Variants in FAAH2 observed in about 807,000 individuals in gnomAD.
The protein encoded by FAAH2 is fatty-acid amide hydrolase 2.
Under a neutral mutation model 36.9 loss-of-function variants are expected in FAAH2, and 60 were observed. The observed-to-expected ratio is 1.63, with a 90% CI of 1.32 to 2.02. The LOEUF is 2.02. FAAH2 is among the 30% of genes most tolerant of loss of function. The pLI, the probability that FAAH2 is intolerant of heterozygous loss-of-function variation, is 0.00. For synonymous variants in FAAH2, 214 were observed against 143.8 expected (o/e 1.49, Z -3.49); for missense variants, 689 against 397.5 (o/e 1.73, Z -6.23).
At chrX:57,438,181 G>C (rs1220741315) in intron 8 of FAAH2, among the ~76,000 whole-genome samples, 1 of 104,550 alleles carries the variant, frequency 9.6e-6, no homozygotes, top group Non-Finnish European at 2.0e-5. Flanking sequence ...ACAGTAGTTT[G>C]TAGTTTTACT....
At chrX:57,184,599 ATGAAG>A in the FAAH2 span, among the ~76,000 whole-genome samples, 3 of 112,862 alleles carry the variant, frequency 2.7e-5, no homozygotes, top group Admixed American at 9.4e-5. Flanking sequence ...GACAACCTAA[ATGAAG>A]TGAAGTGATT....
intron 7 of FAAH2, 93 bp from the exon 8 acceptor site, chrX:57,431,825 C>T (rs548811587): frequency 2.9e-5 from 14 of 491,136 alleles, no homozygotes; most frequent in East Asian, 9.6e-5. Context: ...GAGGGCCTGG[C>T]GCTTTCTGCT....
intron 10 of FAAH2, among the ~76,000 whole-genome samples, chrX:57,478,680 G>A (rs1193836603): frequency 9.0e-6 from 1 of 111,561 alleles, no homozygotes; most frequent in Admixed American, 9.5e-5. Context: ...TGTAAGGAAG[G>A]GATCCAGTTT....
At chrX:57,363,320 A>G (rs778573454) in intron 5 of FAAH2, among the ~76,000 whole-genome samples, 1 of 111,584 alleles carries the variant, frequency 9.0e-6, no homozygotes, top group South Asian at 3.7e-4. Context: ...GTATTTTATT[A>G]TCTTTGTGGC....
chrX:57,351,084 T>C (rs749554258), intron 5 of FAAH2, among the ~76,000 whole-genome samples: 1 of 111,449 alleles, frequency 9.0e-6, no homozygotes, highest in African/African-American at 3.2e-5. Context: ...AACCACAGGA[T>C]AGGCCACAAG....
chrX:57,421,875 C>A (rs2056040355), intron 7 of FAAH2, among the ~76,000 whole-genome samples: 3 of 111,627 alleles, frequency 2.7e-5, no homozygotes. Context: ...AGAGTAGTTG[C>A]TACTTCTTAC....
the FAAH2 span, among the ~76,000 whole-genome samples, chrX:57,158,791 G>A: frequency 8.9e-6 from 1 of 111,862 alleles, no homozygotes. Context: ...CCATTCTGCA[G>A]GTTGCCTATT....
At chrX:57,454,067 C>T (rs922698531) in intron 10 of FAAH2, among the ~76,000 whole-genome samples, 5 of 111,381 alleles carry the variant, frequency 4.5e-5, no homozygotes, top group Non-Finnish European at 9.4e-5. Context: ...AGTCACCTCT[C>T]TCCCCCACAC....
At chrX:57,174,737 C>T in the FAAH2 span, among the ~76,000 whole-genome samples, 2 of 111,481 alleles carry the variant, frequency 1.8e-5, no homozygotes, top group Admixed American at 1.9e-4. Flanking sequence ...TTCCTCTTAG[C>T]CCTGCTTTTG....
chrX:57,389,205 C>T (rs759590624), intron 7 of FAAH2, among the ~76,000 whole-genome samples: 147 of 100,611 alleles, frequency 1.5e-3, no homozygotes, highest in African/African-American at 4.6e-3. Context: ...AGAAGAAATT[C>T]CTTCTGCTTC....
chrX:57,442,126 C>T (rs1431457520), intron 8 of FAAH2, among the ~76,000 whole-genome samples: 16 of 110,803 alleles, frequency 1.4e-4, no homozygotes, highest in East Asian at 8.5e-4. Flanking sequence ...CTATTAGGTC[C>T]GCTTGGTGCA....
the FAAH2 span, among the ~76,000 whole-genome samples, chrX:57,240,946 G>A: frequency 8.9e-6 from 1 of 112,124 alleles, no homozygotes; most frequent in Non-Finnish European, 1.9e-5. Context: ...GTACAGGACT[G>A]ATAGTCAACA....
the FAAH2 span, among the ~76,000 whole-genome samples, chrX:57,124,355 T>G: frequency 9.0e-6 from 1 of 111,618 alleles, no homozygotes; most frequent in Non-Finnish European, 1.9e-5. Context: ...TCTGTTCCAT[T>G]GGTCTATATC....
At chrX:57,431,822 T>C (rs977944115) in intron 7 of FAAH2, 96 bp from the exon 8 acceptor site, 3 of 331,642 alleles carry the variant, frequency 9.0e-6, no homozygotes, top group African/African-American at 9.0e-5. Flanking sequence ...AATGAGGGCC[T>C]GGCGCTTTCT....
chrX:57,307,006 TATATA>T, intron 2 of FAAH2, among the ~76,000 whole-genome samples: 1 of 62,286 alleles, frequency 1.6e-5, no homozygotes, highest in African/African-American at 4.5e-5. Context: ...TACATATATA[TATATA>T]TATATAGCCT....
At chrX:57,310,860 G>A (rs2052672657) in intron 3 of FAAH2, 131 bp downstream of exon 3, 1 of 705,855 alleles carries the variant, frequency 1.4e-6, no homozygotes, top group South Asian at 3.7e-5. Context: ...TGAAATGAGA[G>A]GAAATATTCA....
chrX:57,373,060 C>T (rs2054591377), intron 5 of FAAH2, among the ~76,000 whole-genome samples: 1 of 111,431 alleles, frequency 9.0e-6, no homozygotes, highest in African/African-American at 3.3e-5. Flanking sequence ...TATTTCATTC[C>T]TCTTTATGGC....
the FAAH2 span, among the ~76,000 whole-genome samples, chrX:57,173,117 G>A: frequency 2.7e-5 from 3 of 111,910 alleles, no homozygotes; most frequent in Non-Finnish European, 5.6e-5. Context: ...GTATCAAAGT[G>A]ATGTTAAAAT....
At chrX:57,274,885 G>A in the FAAH2 span, among the ~76,000 whole-genome samples, 4 of 111,870 alleles carry the variant, frequency 3.6e-5, no homozygotes, top group African/African-American at 6.5e-5. Context: ...ATTCAACATA[G>A]TATTGGAAGT....
Sources: gnomAD v4.1 joint callset for allele counts (sites outside exome capture counted in the v4.1 genomes callset) on GRCh38, gnomAD v4.1.1 for gene constraint, MANE v1.5 for transcripts, NCBI Gene and HGNC (gene_info 2026-07-23, HGNC 2026-07-21) for gene names.